LBP: variants seen among roughly 807,000 people sequenced by gnomAD.
LBP encodes the protein lipopolysaccharide binding protein.
A neutral mutation model predicts 56.6 loss-of-function variants in LBP; 53 were observed. That is an observed-to-expected ratio of 0.94 (90% CI 0.75 to 1.18). The LOEUF (loss-of-function observed/expected upper bound fraction) is 1.18, where lower values mean the gene tolerates loss of function less well. Ranked by LOEUF, LBP falls within the 50% of genes most tolerant of loss-of-function variation. LBP has a pLI of 0.00. For missense variants in LBP, 601 were observed against 598.3 expected (o/e 1.00, Z -0.05); for synonymous variants, 227 against 247.5 (o/e 0.92, Z 0.78).
Position 38,350,926 on chromosome 20 carries a change from C to G in LBP, c.355C>G (p.Arg119Gly). ...CCGGGTCCAGGGCAGGTGGAAGGTGCGCAAGTCATTCTTGTAAGTTGGCTC... is the reference window on the plus strand; with the variant it reads ...CCGGGTCCAGGGCAGGTGGAAGGTGGGCAAGTCATTCTTGTAAGTTGGCTC... The part of the protein sequence containing the change: ...SIRVQGRWKV[R>G]KSFFKLQGSF... The change falls in exon 3 of 15, where the codon CGC becomes GGC. Residue 119 changes from arginine (R) to glycine (G), a missense_variant. Coordinates refer to ENST00000217407, the MANE Select transcript of LBP (RefSeq NM_004139.5). 3.1e-6 allele frequency: 5 copies of G among 1,613,666 alleles called. No homozygotes were observed. Among genetic ancestry groups the G allele is most frequent in the Non-Finnish European group, 4.2e-6 (5 of 1,179,718 alleles).
intron 3 of LBP, among the ~76,000 whole-genome samples, chr20:38,353,760 G>T (rs1015231073): frequency 7.2e-5 from 11 of 151,836 alleles, no homozygotes; most frequent in Admixed American, 6.6e-5. Context: ...AGTTTTTTTT[G>T]AATCTGATAG....
intron 11 of LBP, 140 bp from the exon 12 acceptor site, chr20:38,371,140 G>C: frequency 1.5e-6 from 1 of 653,630 alleles, no homozygotes; most frequent in Non-Finnish European, 2.7e-6. Flanking sequence ...TAGTTCCTCA[G>C]TCATCTTTTC....
intron 7 of LBP, 69 bp downstream of exon 7, chr20:38,364,135 T>C: frequency 1.9e-6 from 2 of 1,045,504 alleles, no homozygotes; most frequent in Non-Finnish European, 3.0e-6. Context: ...TTGGGCCACC[T>C]GTCCCCCCAA....
chr20:38,365,841 A>G (rs548714801), intron 8 of LBP, among the ~76,000 whole-genome samples: 1 of 151,952 alleles, frequency 6.6e-6, no homozygotes, highest in African/African-American at 2.4e-5. Flanking sequence ...AAGCACAATT[A>G]TAAAGACACT....
intron 8 of LBP, among the ~76,000 whole-genome samples, chr20:38,366,335 C>T (rs773957137): frequency 2.5e-4 from 38 of 152,282 alleles, no homozygotes; most frequent in African/African-American, 8.9e-4. Context: ...ATAATAGCTA[C>T]GTTTTATGGA....
At chr20:38,351,004 G>A in intron 3 of LBP, 65 bp downstream of exon 3, 1 of 1,575,408 alleles carries the variant, frequency 6.3e-7, no homozygotes, top group Non-Finnish European at 8.7e-7. Flanking sequence ...TCCTTCTTAG[G>A]TCCAAGGTGT....
At chr20:38,358,674 G>A (rs1002863353) in intron 5 of LBP, among the ~76,000 whole-genome samples, 1 of 152,082 alleles carries the variant, frequency 6.6e-6, no homozygotes, top group Non-Finnish European at 1.5e-5. Flanking sequence ...AGCCCCCAGC[G>A]TCACCCTTCC....
intron 2 of LBP, 121 bp from the exon 3 acceptor site, chr20:38,350,690 T>G (rs1280309384): frequency 8.9e-7 from 1 of 1,124,100 alleles, no homozygotes; most frequent in Non-Finnish European, 1.2e-6. Context: ...GCACAGCAGG[T>G]GCTTACCTGG....
chr20:38,365,742 A>ATT (rs2076879736), intron 8 of LBP, among the ~76,000 whole-genome samples: 105 of 144,406 alleles, frequency 7.3e-4, no homozygotes, highest in Middle Eastern at 3.7e-3. Context: ...ATATATATAT[A>ATT]TATTTATATG....
At chr20:38,376,127 C>G (rs2083957312) in intron 14 of LBP, among the ~76,000 whole-genome samples, 1 of 152,064 alleles carries the variant, frequency 6.6e-6, no homozygotes, top group Non-Finnish European at 1.5e-5. Context: ...CAATGTTTGA[C>G]ATGTGGAAAG....
intron 3 of LBP, among the ~76,000 whole-genome samples, chr20:38,352,284 A>G (rs2076823066): frequency 6.6e-6 from 1 of 152,180 alleles, no homozygotes; most frequent in Non-Finnish European, 1.5e-5. Flanking sequence ...AGCAGAAGGA[A>G]CAGCCCAAAT....
chr20:38,365,346 A>G (rs2122616918), intron 8 of LBP, among the ~76,000 whole-genome samples: 1 of 151,280 alleles, frequency 6.6e-6, no homozygotes, highest in East Asian at 1.9e-4. Context: ...TAGACTTGTT[A>G]GTCTAATTCA....
Position 38,346,646 on chromosome 20 carries a change from A to T in LBP, c.124+6A>T. On this transcript the variant is annotated splice_donor_region_variant and intron_variant, in intron 1 of 14. Coordinates refer to ENST00000217407, the MANE Select transcript of LBP (RefSeq NM_004139.5). ...CGACAAGGGACTGCAGTATGGTAAG[A>T]AGCCACATCTGCTGGCTGGACTTGG... 1 of 1,613,322 alleles carries T rather than the reference A, an allele frequency of 6.2e-7. No homozygotes were observed. The highest frequency in any genetic ancestry group is 8.5e-7 in the Non-Finnish European group (1 of 1,179,834).
intron 11 of LBP, 62 bp from the exon 12 acceptor site, chr20:38,371,218 C>T (rs1759259910): frequency 2.9e-6 from 4 of 1,393,782 alleles, no homozygotes; most frequent in Non-Finnish European, 4.0e-6. Context: ...CTTCTGGGGA[C>T]CCCCGCATTG....
intron 6 of LBP, among the ~76,000 whole-genome samples, chr20:38,362,612 C>T (rs1437575974): frequency 1.3e-5 from 2 of 149,842 alleles, no homozygotes; most frequent in Non-Finnish European, 3.0e-5. Context: ...GACTCTGTCT[C>T]AACAAAGAAA....
At chr20:38,354,467 T>C (rs2232587) in intron 4 of LBP, 28 bp downstream of exon 4, 25,912 of 1,588,236 alleles carry the variant, frequency 0.016, 620 homozygotes, top group Middle Eastern at 0.11. Flanking sequence ...CACTGCCAGC[T>C]GGACTCCTGG....
chr20:38,364,773 G>T (rs754390780), intron 8 of LBP, 21 bp downstream of exon 8: 20 of 1,589,732 alleles, frequency 1.3e-5, no homozygotes, highest in Non-Finnish European at 1.7e-5. Flanking sequence ...TGGCAAACAG[G>T]TCTCTCAAAT....
Position 38,374,032 on chromosome 20 carries a change from G to A in LBP, c.1401+19G>A, listed in dbSNP as rs1405916406. On this transcript the variant is annotated intron_variant, in intron 14 of 14. Coordinates refer to ENST00000217407, the MANE Select transcript of LBP (RefSeq NM_004139.5). ...CCATAAGGTCGGTGGGTTCAGGGGG[G>A]CTCTGAGGATGTGTGAGGGAGGAGG... 2.5e-6 allele frequency: 4 copies of A among 1,611,810 alleles called. No individual in the cohort carries two copies. The highest frequency in any genetic ancestry group is 2.7e-5 in the African/African-American group (2 of 74,872).
At chr20:38,362,244 T>C (rs947291035) in intron 6 of LBP, among the ~76,000 whole-genome samples, 2 of 149,734 alleles carry the variant, frequency 1.3e-5, no homozygotes, top group Non-Finnish European at 3.0e-5. Flanking sequence ...GTATTTTTAG[T>C]AGAGACGGGG....
Sources: allele counts gnomAD v4.1 joint callset (sites outside exome capture counted in the v4.1 genomes callset), GRCh38; gene constraint gnomAD v4.1.1; transcripts MANE v1.5; gene names NCBI Gene and HGNC (gene_info 2026-07-23, HGNC 2026-07-21).